KLF8: variants seen among roughly 807,000 people sequenced by gnomAD.
KLF8 encodes the protein KLF transcription factor 8.
KLF8 carries 10 observed loss-of-function variants against 18.2 expected under a neutral mutation model. That is an observed-to-expected ratio of 0.55 (90% CI 0.34 to 0.93). KLF8 has a LOEUF of 0.93. Ranked by LOEUF, KLF8 falls within the 40% of genes least tolerant of loss-of-function variation. The probability of loss-of-function intolerance (pLI) is 0.02; values close to 1 mark genes in which losing one functional copy is unlikely to be tolerated. For missense variants in KLF8, 264 were observed against 277.9 expected, an observed-to-expected ratio of 0.95 and a Z score of 0.36; for synonymous variants, 109 against 97.3, an observed-to-expected ratio of 1.12 and a Z score of -0.71.
the KLF8 span, among the ~76,000 whole-genome samples, chrX:55,950,913 T>C: frequency 1.8e-5 from 2 of 112,074 alleles, no homozygotes; most frequent in African/African-American, 6.5e-5. Flanking sequence ...TGCACTAGTT[T>C]ATATTTAAAA....
chrX:55,957,298 T>C, the KLF8 span, among the ~76,000 whole-genome samples: 1 of 112,095 alleles, frequency 8.9e-6, no homozygotes, highest in South Asian at 3.7e-4. Context: ...CTGTAACCTA[T>C]ATTAAGGTTT....
chrX:56,207,275 G>T, the KLF8 span, among the ~76,000 whole-genome samples: 3 of 112,688 alleles, frequency 2.7e-5, no homozygotes, highest in African/African-American at 9.7e-5. Flanking sequence ...AATTTCTGCA[G>T]CTGGCTTGAA....
At chrX:56,114,429 CTTGT>C in the KLF8 span, among the ~76,000 whole-genome samples, 11 of 112,836 alleles carry the variant, frequency 9.7e-5, no homozygotes, top group East Asian at 2.8e-3. Context: ...TGCGCAAGTG[CTTGT>C]TTTTCTTTCT....
chrX:56,214,623 T>A, the KLF8 span, among the ~76,000 whole-genome samples: 1 of 112,387 alleles, frequency 8.9e-6, no homozygotes, highest in African/African-American at 3.2e-5. Context: ...AAAGAGATGA[T>A]GCGAATAAAT....
chrX:56,099,971 G>C, the KLF8 span, among the ~76,000 whole-genome samples: 1 of 112,239 alleles, frequency 8.9e-6, no homozygotes, highest in Admixed American at 9.5e-5. Flanking sequence ...TTAAACAGCA[G>C]ATTGTCAATG....
At chrX:56,167,406 G>C in the KLF8 span, among the ~76,000 whole-genome samples, 1 of 111,928 alleles carries the variant, frequency 8.9e-6, no homozygotes. Flanking sequence ...CTGGGATTAC[G>C]GTGCAAGCCA....
chrX:56,169,763 C>T, the KLF8 span, among the ~76,000 whole-genome samples: 1 of 112,065 alleles, frequency 8.9e-6, no homozygotes, highest in South Asian at 3.7e-4. Context: ...CCTAGGGGAA[C>T]TTGCTACCAT....
At chrX:55,911,872 AGT>A in the KLF8 span, among the ~76,000 whole-genome samples, 3 of 112,174 alleles carry the variant, frequency 2.7e-5, no homozygotes, top group African/African-American at 9.7e-5. Context: ...CTTGTGGATT[AGT>A]GTAGGCTTCC....
At chrX:56,170,979 G>A in the KLF8 span, among the ~76,000 whole-genome samples, 2 of 111,776 alleles carry the variant, frequency 1.8e-5, no homozygotes, top group Non-Finnish European at 3.8e-5. Context: ...CAATATATCT[G>A]GCAGCAGACT....
the KLF8 span, among the ~76,000 whole-genome samples, chrX:56,090,924 G>C: frequency 4.5e-5 from 5 of 111,928 alleles, no homozygotes; most frequent in East Asian, 1.4e-3. Flanking sequence ...GTGGCTTCTA[G>C]CTGTGTTCAT....
the KLF8 span, among the ~76,000 whole-genome samples, chrX:56,194,415 C>T: frequency 2.7e-5 from 3 of 112,241 alleles, no homozygotes. Flanking sequence ...GATTCCTGTG[C>T]CTGGCTTGGC....
the KLF8 span, among the ~76,000 whole-genome samples, chrX:56,011,956 C>T: frequency 2.7e-5 from 3 of 110,401 alleles, no homozygotes; most frequent in Non-Finnish European, 5.7e-5. Flanking sequence ...AAATTCAGAC[C>T]GTAATAATCT....
the KLF8 span, among the ~76,000 whole-genome samples, chrX:55,938,009 A>C: frequency 2.6e-4 from 29 of 110,453 alleles, no homozygotes; most frequent in African/African-American, 8.5e-4. Flanking sequence ...ATTCAAATTC[A>C]GGAAATACAG....
chrX:56,119,722 A>G, the KLF8 span, among the ~76,000 whole-genome samples: 1 of 109,222 alleles, frequency 9.2e-6, no homozygotes, highest in African/African-American at 3.3e-5. Context: ...TTTTAAAAAA[A>G]CTTTAGGTTT....
chrX:56,039,515 G>A, the KLF8 span, among the ~76,000 whole-genome samples: 1 of 111,449 alleles, frequency 9.0e-6, no homozygotes, highest in Non-Finnish European at 1.9e-5. Flanking sequence ...AGATCAGATG[G>A]GTATAGGTGT....
chrX:56,195,821 G>T, the KLF8 span, among the ~76,000 whole-genome samples: 1 of 111,405 alleles, frequency 9.0e-6, no homozygotes. Flanking sequence ...AGTTTTGAGG[G>T]CAGCCAGAGA....
the KLF8 span, among the ~76,000 whole-genome samples, chrX:56,202,619 C>A: frequency 3.2e-5 from 3 of 94,146 alleles, no homozygotes; most frequent in Non-Finnish European, 6.3e-5. Context: ...TATCCTTCTA[C>A]TCTCTGTGTC....
At chrX:56,137,817 T>C in the KLF8 span, among the ~76,000 whole-genome samples, 1 of 106,387 alleles carries the variant, frequency 9.4e-6, no homozygotes, top group African/African-American at 3.4e-5. Flanking sequence ...CATAAACCAA[T>C]CCCAATGCTA....
chrX:56,017,831 C>T, the KLF8 span, among the ~76,000 whole-genome samples: 1 of 111,932 alleles, frequency 8.9e-6, no homozygotes, highest in African/African-American at 3.2e-5. Flanking sequence ...TTTACCTCTT[C>T]TCCCAATATA....
Sources: allele counts gnomAD v4.1 joint callset (sites outside exome capture counted in the v4.1 genomes callset), GRCh38; gene constraint gnomAD v4.1.1; transcripts MANE v1.5; gene names NCBI Gene and HGNC (gene_info 2026-07-23, HGNC 2026-07-21).